KLHL29: variants seen among roughly 807,000 people sequenced by gnomAD.
KLHL29 encodes the protein kelch like family member 29, also known as kelch-like protein 29.
In KLHL29, 21 loss-of-function variants were observed where a neutral mutation model predicts 80.4. The observed-to-expected ratio is 0.26, with a 90% confidence interval of 0.19 to 0.38. The LOEUF is 0.38. Among genes scored for constraint, KLHL29 ranks in the 10% least tolerant of loss-of-function variants. The probability of loss-of-function intolerance (pLI) is 1.00; values close to 1 mark genes in which losing one functional copy is unlikely to be tolerated. For synonymous variants in KLHL29, 511 were observed against 526.8 expected (o/e 0.97, Z 0.41); for missense variants, 867 against 1,223.9 (o/e 0.71, Z 4.35).
At chr2:23,685,029 T>C (rs149066168) in intron 6 of KLHL29, among the ~76,000 whole-genome samples, 1,723 of 152,340 alleles carry the variant, frequency 0.011, 19 homozygotes, top group Middle Eastern at 0.031. Flanking sequence ...CCCCCGGGGC[T>C]GCTTTTCCCC....
At chr2:23,670,945 T>C (rs866345734) in intron 5 of KLHL29, among the ~76,000 whole-genome samples, 26 of 15,982 alleles carry the variant, frequency 1.6e-3, no homozygotes, top group African/African-American at 3.6e-3. Flanking sequence ...TCTCTCTCTC[T>C]CTCTCTCTCT....
At chr2:23,456,348 A>G (rs1398979947) in intron 1 of KLHL29, among the ~76,000 whole-genome samples, 1 of 152,048 alleles carries the variant, frequency 6.6e-6, no homozygotes, top group Non-Finnish European at 1.5e-5. Context: ...CCTCCACAGA[A>G]CCCCCAGCAT....
chr2:23,657,050 T>A (rs1241931152), intron 5 of KLHL29, among the ~76,000 whole-genome samples: 1 of 152,168 alleles, frequency 6.6e-6, no homozygotes, highest in East Asian at 1.9e-4. Flanking sequence ...CCTGCTTCTG[T>A]CCTAGGGTGG....
At chr2:23,656,929 C>G (rs1364805840) in intron 5 of KLHL29, among the ~76,000 whole-genome samples, 1 of 110,746 alleles carries the variant, frequency 9.0e-6, no homozygotes, top group Non-Finnish European at 1.8e-5. Flanking sequence ...TCGTCCCCAA[C>G]AGGAAAAAAA....
chr2:23,460,493 A>G (rs9751374), intron 1 of KLHL29, among the ~76,000 whole-genome samples: 26,533 of 152,068 alleles, frequency 0.17, 3,783 homozygotes, highest in African/African-American at 0.38. Context: ...AAATGCACAG[A>G]ACAAGCCCAT....
chr2:23,665,201 G>C (rs550394342), intron 5 of KLHL29, among the ~76,000 whole-genome samples: 3 of 152,208 alleles, frequency 2.0e-5, no homozygotes, highest in Admixed American at 2.0e-4. Context: ...GACACCACAT[G>C]GCAGATTTCT....
chr2:23,541,777 A>AC (rs1348931865), intron 2 of KLHL29, among the ~76,000 whole-genome samples: 1 of 151,846 alleles, frequency 6.6e-6, no homozygotes, highest in Non-Finnish European at 1.5e-5. Context: ...AAAAACAAAA[A>AC]AAAAAAAACC....
chr2:23,576,304 C>CAAAAAAAA, intron 3 of KLHL29, among the ~76,000 whole-genome samples: 1 of 131,512 alleles, frequency 7.6e-6, no homozygotes, highest in Non-Finnish European at 1.6e-5. Flanking sequence ...GACTCTATCT[C>CAAAAAAAA]AAAAAAAAAA....
intron 2 of KLHL29, among the ~76,000 whole-genome samples, chr2:23,484,646 T>G (rs964971685): frequency 4.6e-5 from 7 of 152,074 alleles, no homozygotes; most frequent in Non-Finnish European, 8.8e-5. Flanking sequence ...AGAGAGGAGG[T>G]GTCCTCCCTC....
intron 2 of KLHL29, among the ~76,000 whole-genome samples, chr2:23,548,666 G>A (rs919018984): frequency 2.6e-5 from 4 of 152,332 alleles, no homozygotes; most frequent in East Asian, 1.9e-4. Context: ...GCCCCCAGCC[G>A]ACCAGCAGTG....
At chr2:23,472,320 G>A (rs1664515677) in intron 1 of KLHL29, among the ~76,000 whole-genome samples, 1 of 152,136 alleles carries the variant, frequency 6.6e-6, no homozygotes, top group Non-Finnish European at 1.5e-5. Context: ...GCAGGTGATG[G>A]CACTTCTGAG....
intron 1 of KLHL29, among the ~76,000 whole-genome samples, chr2:23,412,865 C>T (rs1414334965): frequency 6.6e-6 from 1 of 152,158 alleles, no homozygotes; most frequent in African/African-American, 2.4e-5. Flanking sequence ...GCTGGTTCAG[C>T]AGCGCAGGCA....
At position 23,669,869 on chromosome 2, in the gene KLHL29, A is replaced by C. The variant is rs1670662139; in HGVS notation, c.941-14530A>C. ...TTTGTAAAAACAGGGCCGTGGTATTATCACAGAATCTGGTAGGTTCTGCTT... is the reference window on the plus strand; with the variant it reads ...TTTGTAAAAACAGGGCCGTGGTATTCTCACAGAATCTGGTAGGTTCTGCTT... On this transcript the variant is annotated intron_variant, in intron 5 of 13. Coordinates refer to ENST00000486442, the MANE Select transcript of KLHL29 (RefSeq NM_052920.2). This position sits in a 1 kb window ranked among gnomAD's most constrained non-coding sequence, Gnocchi z 4.3. Among the ~76,000 whole-genome samples, 1 of 152,216 alleles carries C rather than the reference A, an allele frequency of 6.6e-6. No individual in the cohort carries two copies. The highest frequency in any genetic ancestry group is 6.5e-5 in the Admixed American group (1 of 15,288).
chr2:23,402,664 A>G (rs2103389571), intron 1 of KLHL29, among the ~76,000 whole-genome samples: 1 of 152,318 alleles, frequency 6.6e-6, no homozygotes, highest in South Asian at 2.1e-4. Context: ...GTTGGGGAAA[A>G]GTGGTGTAAA....
intron 1 of KLHL29, among the ~76,000 whole-genome samples, chr2:23,438,552 G>A (rs1228424147): frequency 6.7e-6 from 1 of 149,980 alleles, no homozygotes; most frequent in Non-Finnish European, 1.5e-5. Flanking sequence ...GGCCTTTTCT[G>A]CATCTATTGA....
At chr2:23,662,898 CT>C (rs1670452810) in intron 5 of KLHL29, among the ~76,000 whole-genome samples, 1 of 152,216 alleles carries the variant, frequency 6.6e-6, no homozygotes, top group Non-Finnish European at 1.5e-5. Flanking sequence ...AAATGCAAGG[CT>C]TTGAATTAAG....
chr2:23,615,315 G>C (rs1040559268), intron 3 of KLHL29, among the ~76,000 whole-genome samples: 2 of 152,184 alleles, frequency 1.3e-5, no homozygotes, highest in East Asian at 3.9e-4. Flanking sequence ...CATTTTCACT[G>C]AACCGGGTGC....
chr2:23,678,071 A>G (rs1273543156), intron 5 of KLHL29, among the ~76,000 whole-genome samples: 1 of 152,188 alleles, frequency 6.6e-6, no homozygotes, highest in Non-Finnish European at 1.5e-5. Context: ...CATCTCATAC[A>G]GCCCTTATAG....
Position 23,386,951 on chromosome 2 carries a change from C to G in KLHL29, c.-154+1171C>G, listed in dbSNP as rs569620883. The stretch of plus-strand genomic sequence containing the variant: ...GTCCACCCGCTGAGAAGCCAGTTGT[C>G]GTCCCTGGGCTGTGGAACCAAGCGG... On this transcript the variant is annotated intron_variant, in intron 1 of 13. Coordinates refer to ENST00000486442, the MANE Select transcript of KLHL29 (RefSeq NM_052920.2). Among the ~76,000 whole-genome samples, 72 of 152,240 alleles carry G rather than the reference C, an allele frequency of 4.7e-4. 4 individuals are homozygous for G. In the South Asian group the frequency reaches 0.014, roughly 29 times the overall value.
Sources: allele counts gnomAD v4.1 joint callset (sites outside exome capture counted in the v4.1 genomes callset), GRCh38; gene constraint gnomAD v4.1.1; non-coding constraint Gnocchi (gnomAD v3.1); transcripts MANE v1.5; gene names NCBI Gene and HGNC (gene_info 2026-07-23, HGNC 2026-07-21).